Variants in PCDH11X observed in about 807,000 individuals in gnomAD.
PCDH11X encodes protocadherin-11 X-linked.
In PCDH11X, 18 loss-of-function variants were observed where a neutral mutation model predicts 53.3. The observed-to-expected ratio is 0.34, with a 90% CI of 0.23 to 0.50. The LOEUF is 0.50. Ranked by LOEUF, PCDH11X falls within the 20% of genes least tolerant of loss-of-function variation. The pLI, the probability that PCDH11X is intolerant of heterozygous loss-of-function variation, is 0.98. For missense variants in PCDH11X, 570 were observed against 1,032.4 expected (o/e 0.55, Z 6.14); for synonymous variants, 279 against 393.3 (o/e 0.71, Z 3.44).
chrX:92,381,203 G>T (rs1008462159), intron 8 of PCDH11X, among the ~76,000 whole-genome samples: 3 of 106,135 alleles, frequency 2.8e-5, no homozygotes, highest in African/African-American at 1.0e-4. Context: ...TTTATTATTT[G>T]ATTATCTATG....
intron 6 of PCDH11X, among the ~76,000 whole-genome samples, chrX:92,193,486 A>G (rs906669552): frequency 9.0e-6 from 1 of 111,304 alleles, no homozygotes; most frequent in African/African-American, 3.3e-5. Context: ...CCTATAGTAT[A>G]TTTATCTCCA....
chrX:92,572,564 A>G (rs1922327326), intron 10 of PCDH11X, among the ~76,000 whole-genome samples: 3 of 106,813 alleles, frequency 2.8e-5, no homozygotes, highest in South Asian at 4.1e-4. Flanking sequence ...GTGAAAGGCA[A>G]TTTTTAAAAA....
At chrX:92,162,294 C>T (rs1255927988) in intron 6 of PCDH11X, among the ~76,000 whole-genome samples, 4 of 107,394 alleles carry the variant, frequency 3.7e-5, no homozygotes, top group Admixed American at 1.0e-4. Context: ...TGGGTTCAAG[C>T]GATTCTCCTG....
intron 1 of PCDH11X, among the ~76,000 whole-genome samples, chrX:91,807,370 G>T (rs1322300215): frequency 9.2e-6 from 1 of 109,137 alleles, no homozygotes; most frequent in African/African-American, 3.3e-5. Context: ...ATAAATAAAG[G>T]TCAACAGGAA....
At chrX:92,351,644 A>G (rs1346039388) in intron 8 of PCDH11X, among the ~76,000 whole-genome samples, 1 of 111,784 alleles carries the variant, frequency 8.9e-6, no homozygotes, top group Admixed American at 9.6e-5. Flanking sequence ...TAAACACTGC[A>G]TGTTTATTTA....
chrX:92,506,877 A>G (rs2148702864), intron 10 of PCDH11X, among the ~76,000 whole-genome samples: 1 of 110,023 alleles, frequency 9.1e-6, no homozygotes, highest in East Asian at 2.9e-4. Context: ...TTCATTACTG[A>G]TTCAACTTTA....
chrX:91,903,973 A>C (rs189850308), intron 6 of PCDH11X, among the ~76,000 whole-genome samples: 1,760 of 109,353 alleles, frequency 0.016, 16 homozygotes, highest in Non-Finnish European at 0.025. Flanking sequence ...GAAATTAGCA[A>C]TTGGGGTTTG....
At chrX:91,951,742 A>T (rs2061643234) in intron 6 of PCDH11X, among the ~76,000 whole-genome samples, 1 of 109,864 alleles carries the variant, frequency 9.1e-6, no homozygotes, top group Admixed American at 9.9e-5. Context: ...TATTGAATTA[A>T]TAAAGCCATG....
intron 6 of PCDH11X, among the ~76,000 whole-genome samples, chrX:92,130,341 T>C (rs1244494033): frequency 9.0e-6 from 1 of 110,906 alleles, no homozygotes; most frequent in Non-Finnish European, 1.9e-5. Flanking sequence ...GCAGTTTACA[T>C]CTTTAAAAAA....
intron 8 of PCDH11X, among the ~76,000 whole-genome samples, chrX:92,311,996 A>G (rs2068961391): frequency 1.8e-5 from 2 of 111,544 alleles, no homozygotes; most frequent in African/African-American, 6.5e-5. Context: ...ATAGGGTAAG[A>G]AAAAGATGAT....
chrX:92,217,026 C>T (rs1387494748), intron 7 of PCDH11X, among the ~76,000 whole-genome samples: 1 of 111,035 alleles, frequency 9.0e-6, no homozygotes, highest in East Asian at 2.8e-4. Flanking sequence ...ACCACCAGGC[C>T]TTCTCTAAAA....
chrX:92,176,073 C>T (rs141865421), intron 6 of PCDH11X, among the ~76,000 whole-genome samples: 2 of 110,528 alleles, frequency 1.8e-5, no homozygotes, highest in African/African-American at 6.6e-5. Flanking sequence ...CACTACCAAC[C>T]ACTGCCTCAT....
chrX:92,617,431 C>T (rs1469805929), intron 10 of PCDH11X, among the ~76,000 whole-genome samples: 1 of 111,597 alleles, frequency 9.0e-6, no homozygotes, highest in East Asian at 2.8e-4. Flanking sequence ...TGCATACACA[C>T]AGGATTGATA....
intron 6 of PCDH11X, among the ~76,000 whole-genome samples, chrX:91,984,822 A>G (rs960676271): frequency 3.6e-5 from 4 of 111,624 alleles, no homozygotes; most frequent in Non-Finnish European, 7.5e-5. Context: ...TTAAAATCCA[A>G]CATATGTATG....
At position 91,834,366 on chromosome X, in the gene PCDH11X, G is replaced by A. The variant is rs1028887506; in HGVS notation, c.-44-1095G>A. ...CTGAAATAATTTTAAAGCTTTCAGT[G>A]AGTGAAAAATAATAGGGAGAAGTAG... On this transcript the variant is annotated intron_variant, in intron 4 of 10. Coordinates refer to ENST00000682573, the MANE Select transcript of PCDH11X (RefSeq NM_032968.5). Among the ~76,000 whole-genome samples the A allele has an allele frequency of 9.1e-5, 10 of 110,088 alleles. No homozygotes were observed. The South Asian group carries it at 1.2e-3, about 13-fold the overall frequency.
chrX:92,595,280 A>C (rs1343851504), intron 10 of PCDH11X, among the ~76,000 whole-genome samples: 1 of 110,234 alleles, frequency 9.1e-6, no homozygotes, highest in Non-Finnish European at 1.9e-5. Context: ...AAAAGCCCAA[A>C]TTATCTTGGC....
At chrX:91,950,292 C>G (rs1271886413) in intron 6 of PCDH11X, among the ~76,000 whole-genome samples, 1 of 105,885 alleles carries the variant, frequency 9.4e-6, no homozygotes, top group Non-Finnish European at 1.9e-5. Flanking sequence ...TTTAATCCCT[C>G]ATCTCCCTCT....
At position 92,490,416 on chromosome X, in the gene PCDH11X, G is replaced by A. The variant is rs181465853; in HGVS notation, c.3367+22094G>A. ...ATTGTGATGAAGCTGTCAAGTTTAT[G>A]TCAGAAATAGGCGTTTACAATGAAC... On this transcript the variant is annotated intron_variant, in intron 10 of 10. Coordinates refer to ENST00000682573, the MANE Select transcript of PCDH11X (RefSeq NM_032968.5). Among the ~76,000 whole-genome samples the A allele has an allele frequency of 4.5e-5, 5 of 111,667 alleles. No homozygotes were observed. In the East Asian group the frequency reaches 1.4e-3, roughly 31 times the overall value.
At chrX:92,018,919 A>G (rs1269893922) in intron 6 of PCDH11X, among the ~76,000 whole-genome samples, 1 of 112,593 alleles carries the variant, frequency 8.9e-6, no homozygotes, top group African/African-American at 3.2e-5. Flanking sequence ...TACAACACAT[A>G]CAATCTTTCC....
Sources: gnomAD v4.1 joint callset for allele counts (sites outside exome capture counted in the v4.1 genomes callset) on GRCh38, gnomAD v4.1.1 for gene constraint, MANE v1.5 for transcripts, NCBI Gene and HGNC (gene_info 2026-07-23, HGNC 2026-07-21) for gene names.